Variants in UBE2E2 observed in about 807,000 individuals in gnomAD.
The protein encoded by UBE2E2 is ubiquitin conjugating enzyme E2 E2.
In UBE2E2, 6 loss-of-function variants were observed where a neutral mutation model predicts 24.7. The ratio of observed to expected loss-of-function variants is 0.24; its 90% confidence interval spans 0.13 to 0.48. The LOEUF (loss-of-function observed/expected upper bound fraction) is 0.48. Ranked by LOEUF, UBE2E2 falls within the 20% of genes least tolerant of loss-of-function variation. UBE2E2 has a pLI of 0.99. For missense variants in UBE2E2, 169 were observed against 245.0 expected, an observed-to-expected ratio of 0.69 and a Z score of 2.07; for synonymous variants, 104 against 83.6, an observed-to-expected ratio of 1.24 and a Z score of -1.33.
At chr3:23,247,773 C>A (rs1016698669) in intron 3 of UBE2E2, among the ~76,000 whole-genome samples, 10 of 152,176 alleles carry the variant, frequency 6.6e-5, no homozygotes, top group African/African-American at 2.2e-4. Flanking sequence ...TGCCACTCTA[C>A]CCCAGAAATT....
chr3:23,504,246 A>G (rs972223107), intron 4 of UBE2E2, among the ~76,000 whole-genome samples: 2 of 152,164 alleles, frequency 1.3e-5, no homozygotes, highest in Non-Finnish European at 2.9e-5. Flanking sequence ...GCCATATATT[A>G]TATATTTCCA....
chr3:23,585,396 A>C (rs926561758), intron 5 of UBE2E2, among the ~76,000 whole-genome samples: 1 of 149,518 alleles, frequency 6.7e-6, no homozygotes, highest in African/African-American at 2.5e-5. Flanking sequence ...AAAAGACATG[A>C]TTTTTATTAA....
At chr3:23,477,988 G>A (rs1394586984) in intron 3 of UBE2E2, among the ~76,000 whole-genome samples, 2 of 152,166 alleles carry the variant, frequency 1.3e-5, no homozygotes, top group Non-Finnish European at 1.5e-5. Flanking sequence ...TGCCATGATT[G>A]TCAGTTGAGG....
intron 1 of UBE2E2, among the ~76,000 whole-genome samples, chr3:23,206,199 G>T (rs570096412): frequency 6.6e-5 from 10 of 152,192 alleles, no homozygotes; most frequent in Non-Finnish European, 1.5e-4. Context: ...CCTGAGGATT[G>T]TTCTCTTTTT....
At chr3:23,468,791 A>G (rs776175410) in intron 3 of UBE2E2, among the ~76,000 whole-genome samples, 1 of 152,216 alleles carries the variant, frequency 6.6e-6, no homozygotes, top group Non-Finnish European at 1.5e-5. Flanking sequence ...TGAACAAGTC[A>G]TGCATCTCTT....
intron 3 of UBE2E2, among the ~76,000 whole-genome samples, chr3:23,351,277 A>C (rs1273366195): frequency 6.6e-6 from 1 of 152,246 alleles, no homozygotes; most frequent in East Asian, 1.9e-4. Context: ...AGCCACTGCA[A>C]AATCATGCCA....
intron 5 of UBE2E2, among the ~76,000 whole-genome samples, chr3:23,545,813 C>T (rs1378950781): frequency 6.6e-6 from 1 of 152,126 alleles, no homozygotes; most frequent in East Asian, 1.9e-4. Flanking sequence ...ATGTATACAC[C>T]ATGGAATACT....
chr3:23,214,958 A>G (rs563974343), intron 2 of UBE2E2, among the ~76,000 whole-genome samples: 92 of 152,198 alleles, frequency 6.0e-4, no homozygotes, highest in African/African-American at 2.1e-3. Context: ...AATTGAAGTA[A>G]TATCTTTTGA....
At chr3:23,355,382 G>T (rs1056291593) in intron 3 of UBE2E2, among the ~76,000 whole-genome samples, 2 of 152,010 alleles carry the variant, frequency 1.3e-5, no homozygotes, top group South Asian at 4.2e-4. Context: ...TAATAATAAT[G>T]AAAGACAAAA....
chr3:23,359,927 A>G (rs1454925453), intron 3 of UBE2E2, among the ~76,000 whole-genome samples: 5 of 152,116 alleles, frequency 3.3e-5, no homozygotes, highest in African/African-American at 1.2e-4. Flanking sequence ...TGTTAAGGGT[A>G]TGGAGAAAAA....
intron 3 of UBE2E2, among the ~76,000 whole-genome samples, chr3:23,469,622 C>T (rs1698992965): frequency 6.6e-6 from 1 of 152,136 alleles, no homozygotes. Context: ...GTTGAACCTG[C>T]CAAGTTGACC....
At chr3:23,296,577 C>T (rs141040862) in intron 3 of UBE2E2, among the ~76,000 whole-genome samples, 11,733 of 152,072 alleles carry the variant, frequency 0.077, 573 homozygotes, top group Non-Finnish European at 0.092. Context: ...TTTGTCCTTG[C>T]GATAGTTTGC....
chr3:23,413,486 GC>G (rs1559376550), intron 3 of UBE2E2, among the ~76,000 whole-genome samples: 1 of 152,016 alleles, frequency 6.6e-6, no homozygotes, highest in Non-Finnish European at 1.5e-5. Flanking sequence ...TCCCTGCAGT[GC>G]CCCAGCCAGT....
At chr3:23,433,255 C>T (rs1035934385) in intron 3 of UBE2E2, among the ~76,000 whole-genome samples, 3 of 151,534 alleles carry the variant, frequency 2.0e-5, no homozygotes, top group African/African-American at 7.3e-5. Flanking sequence ...TTATTGTGCT[C>T]CTCTATAAAG....
At chr3:23,467,715 G>A (rs1047521488) in intron 3 of UBE2E2, among the ~76,000 whole-genome samples, 15 of 152,018 alleles carry the variant, frequency 9.9e-5, no homozygotes, top group Non-Finnish European at 2.2e-4. Flanking sequence ...ATATTAGTAC[G>A]TTCTCACACT....
chr3:23,253,816 A>T (rs111393945), intron 3 of UBE2E2, among the ~76,000 whole-genome samples: 1 of 152,240 alleles, frequency 6.6e-6, no homozygotes, highest in African/African-American at 2.4e-5. Context: ...GGACTAGATT[A>T]TATGTAAATT....
Position 23,474,668 on chromosome 3 carries a change from C to T in UBE2E2, c.228-24940C>T, listed in dbSNP as rs1051566940. Among the ~76,000 whole-genome samples the T allele has an allele frequency of 3.9e-4, 59 of 152,106 alleles. 1 individual carries two copies. The highest frequency in any genetic ancestry group is 1.4e-3 in the African/African-American group (58 of 41,356). On this transcript the variant is annotated intron_variant, in intron 3 of 5. Coordinates refer to ENST00000396703, the MANE Select transcript of UBE2E2 (RefSeq NM_152653.4). This position sits in a 1 kb window ranked among gnomAD's most constrained non-coding sequence, Gnocchi z 4.0. ...AATGGCAGTCTAGAATAAAACTATG[C>T]TGTTTCCACTTATGTGGTAATAATG...
intron 2 of UBE2E2, among the ~76,000 whole-genome samples, chr3:23,213,351 G>A (rs1696381199): frequency 6.6e-6 from 1 of 151,658 alleles, no homozygotes; most frequent in African/African-American, 2.4e-5. Flanking sequence ...TATAATTTTG[G>A]TACCATATTC....
At chr3:23,348,409 A>G (rs1296269967) in intron 3 of UBE2E2, among the ~76,000 whole-genome samples, 1 of 152,060 alleles carries the variant, frequency 6.6e-6, no homozygotes, top group African/African-American at 2.4e-5. Flanking sequence ...TACCACCTAG[A>G]ACAGGGAAGC....
Sources: allele counts gnomAD v4.1 joint callset (sites outside exome capture counted in the v4.1 genomes callset), GRCh38; gene constraint gnomAD v4.1.1; non-coding constraint Gnocchi (gnomAD v3.1); transcripts MANE v1.5; gene names NCBI Gene and HGNC (gene_info 2026-07-23, HGNC 2026-07-21).